SPARC: variants seen among roughly 807,000 people sequenced by gnomAD.
SPARC encodes basement-membrane protein 40.
Under a neutral mutation model 37.7 loss-of-function variants are expected in SPARC, and 23 were observed. That is an observed-to-expected ratio of 0.61 (90% CI 0.44 to 0.87). The LOEUF (loss-of-function observed/expected upper bound fraction) is 0.87, where lower values mean the gene tolerates loss of function less well. Ranked by LOEUF, SPARC falls within the 40% of genes least tolerant of loss-of-function variation. The pLI, the probability that SPARC is intolerant of heterozygous loss-of-function variation, is 0.00. For synonymous variants in SPARC, 155 were observed against 150.8 expected (o/e 1.03, Z -0.20); for missense variants, 312 against 389.0 (o/e 0.80, Z 1.66).
At position 151,664,181 on chromosome 5, in the gene SPARC, C is replaced by T. The variant is rs761893268; in HGVS notation, c.789G>A (p.Glu263=). Residue 263 remains glutamate, a synonymous_variant, in exon 9 of 10, where the codon GAG becomes GAA. Coordinates refer to ENST00000231061, the MANE Select transcript of SPARC (RefSeq NM_003118.4). ...TCTCGAAAAAGCGGGTGGTGCAATGCTCCATGGGGATGAGGGGAGCACGCA... is the reference window on the plus strand; with the variant it reads ...TCTCGAAAAAGCGGGTGGTGCAATGTTCCATGGGGATGAGGGGAGCACGCA... ...APLRAPLIPM[E]HCTTRFFETC... 1.2e-6 allele frequency: 2 copies of T among 1,614,172 alleles called. No individual in the cohort carries two copies. The highest frequency in any genetic ancestry group is 1.1e-5 in the South Asian group (1 of 91,080).
chr5:151,669,904 G>C, intron 5 of SPARC, 120 bp from the exon 6 acceptor site: 1 of 1,387,864 alleles, frequency 7.2e-7, no homozygotes, highest in Non-Finnish European at 1.0e-6. Context: ...TCATTAGCCT[G>C]AGGTCATATA....
At chr5:151,670,986 G>A (rs781170074) in intron 5 of SPARC, among the ~76,000 whole-genome samples, 69 of 152,302 alleles carry the variant, frequency 4.5e-4, no homozygotes, top group Non-Finnish European at 8.5e-4. Context: ...TGGTAGGCAG[G>A]AGCAGGCACT....
intron 1 of SPARC, among the ~76,000 whole-genome samples, chr5:151,683,856 C>A (rs1394082727): frequency 6.6e-6 from 1 of 152,178 alleles, no homozygotes. Context: ...TGTAATGAGG[C>A]ACTTATTTTT....
intron 1 of SPARC, among the ~76,000 whole-genome samples, chr5:151,684,604 GAA>G (rs746262776): frequency 2.2e-4 from 25 of 112,752 alleles, no homozygotes; most frequent in East Asian, 5.6e-4. Context: ...GAGCTGCCAG[GAA>G]AAAAAAAAAA....
intron 8 of SPARC, 91 bp downstream of exon 8, chr5:151,666,270 G>C: frequency 7.8e-7 from 1 of 1,287,948 alleles, no homozygotes; most frequent in East Asian, 2.4e-5. Flanking sequence ...GCCAGGGCTT[G>C]GAGCAGTATA....
intron 1 of SPARC, among the ~76,000 whole-genome samples, chr5:151,682,078 T>G (rs925777368): frequency 1.3e-5 from 2 of 152,208 alleles, no homozygotes; most frequent in African/African-American, 4.8e-5. Flanking sequence ...CCGGATCAAC[T>G]TGGGCAGAAG....
At chr5:151,679,256 A>G in intron 1 of SPARC, 1 of 152,268 alleles carries the variant, frequency 6.6e-6, no homozygotes, top group Non-Finnish European at 1.5e-5. Flanking sequence ...TGGGGGCTCA[A>G]GTCACATATT....
chr5:151,673,289 TC>T, intron 3 of SPARC, 73 bp from the exon 4 acceptor site: 1 of 1,033,618 alleles, frequency 9.7e-7, no homozygotes, highest in South Asian at 1.3e-5. Flanking sequence ...GCTGAAGGGT[TC>T]CAGGTCACAG....
chr5:151,666,083 C>T (rs755287551), intron 8 of SPARC, among the ~76,000 whole-genome samples: 1 of 152,224 alleles, frequency 6.6e-6, no homozygotes, highest in Non-Finnish European at 1.5e-5. Context: ...TCTTAATTCA[C>T]ACTCCTTCAT....
At chr5:151,674,554 C>A in intron 3 of SPARC, 58 bp downstream of exon 3, 2 of 1,531,992 alleles carry the variant, frequency 1.3e-6, no homozygotes, top group Non-Finnish European at 1.8e-6. Flanking sequence ...GCCCTAATTT[C>A]TCAGGGCACA....
chr5:151,664,294 G>A (rs1474902908), intron 8 of SPARC, 59 bp from the exon 9 acceptor site: 43 of 1,547,136 alleles, frequency 2.8e-5, no homozygotes, highest in Admixed American at 1.5e-4. Context: ...ACCCAGCCTT[G>A]GGAGGCAACC....
At chr5:151,672,992 C>T (rs1031173755) in intron 4 of SPARC, 137 bp downstream of exon 4, 18 of 701,346 alleles carry the variant, frequency 2.6e-5, no homozygotes, top group African/African-American at 1.6e-4. Context: ...AAGTCAAAGC[C>T]GTGTTTCCTT....
At chr5:151,665,480 G>T (rs1233735774) in intron 8 of SPARC, among the ~76,000 whole-genome samples, 1 of 152,176 alleles carries the variant, frequency 6.6e-6, no homozygotes, top group Non-Finnish European at 1.5e-5. Flanking sequence ...AAGAGCGAGG[G>T]GTGAACATCC....
chr5:151,662,203 G>C lies in SPARC; in HGVS notation c.*1368C>G, dbSNP rs968935036. ...CTGATAATGGTGGTAGTGATCAAAA[G>C]GGTTAAACCACAGGTCATTAAATGA... is the stretch of plus-strand genomic sequence containing the variant. On this transcript the variant is annotated 3_prime_UTR_variant, in exon 10 of 10. Transcript: ENST00000231061. The C allele has an allele frequency of 2.0e-5, 3 of 152,646 alleles. No homozygotes were observed. The highest frequency in any genetic ancestry group is 7.2e-5 in the African/African-American group (3 of 41,456). The allele number at this position is 152,646 out of a possible 1,614,324, so 9.5% of individuals were successfully genotyped here.
At chr5:151,684,031 C>T (rs1454153227) in intron 1 of SPARC, among the ~76,000 whole-genome samples, 2 of 152,130 alleles carry the variant, frequency 1.3e-5, no homozygotes, top group Non-Finnish European at 2.9e-5. Context: ...CTTTCCTTTC[C>T]TTCACCATTC....
In SPARC at chr5:151,685,420, T is replaced by TCACACACACA. The variant is rs368789187; in HGVS notation, c.-14+1444_-14+1445insTGTGTGTGTG. On this transcript the variant is annotated intron_variant, in intron 1 of 9. Coordinates refer to ENST00000231061, the MANE Select transcript of SPARC (RefSeq NM_003118.4). The stretch of plus-strand genomic sequence containing the variant: ...CTCTCTCTCTCTCTCTCCCTCTCTC[T>TCACACACACA]CTCACACACACACACACACACACAC... 3.2e-3 allele frequency among the ~76,000 whole-genome samples: 348 copies of TCACACACACA among 107,192 alleles called. 7 individuals carry two copies. In the East Asian group the frequency reaches 0.059, roughly 18 times the overall value. The allele number at this position is 107,192 out of a possible 152,430, so 70.3% of individuals were successfully genotyped here.
Position 151,663,009 on chromosome 5 carries a change from C to T in SPARC, c.*562G>A, listed in dbSNP as rs1490928195. The T allele has an allele frequency of 6.6e-6, 1 of 152,334 alleles. No homozygotes were observed. The highest frequency in any genetic ancestry group is 2.4e-5 in the African/African-American group (1 of 41,448). The allele number at this position is 152,334 out of a possible 1,614,324, so 9.4% of individuals were successfully genotyped here. A position where few individuals can be genotyped will look rare whatever the true frequency, so the allele number is the denominator to read the frequency against. ...CATAACACAGCCCCAGAATCTTTCTCTCAGTTACAGCCTCAGGCAAACCAC... is the reference window on the plus strand; with the variant it reads ...CATAACACAGCCCCAGAATCTTTCTTTCAGTTACAGCCTCAGGCAAACCAC... On this transcript the variant is annotated 3_prime_UTR_variant, in exon 10 of 10. Coordinates refer to ENST00000231061, the MANE Select transcript of SPARC (RefSeq NM_003118.4).
chr5:151,670,726 ACATC>A (rs780381793), intron 5 of SPARC, among the ~76,000 whole-genome samples: 1 of 152,170 alleles, frequency 6.6e-6, no homozygotes, highest in Non-Finnish European at 1.5e-5. Flanking sequence ...CCTGTGTTGA[ACATC>A]CTGTCCGTAC....
intron 1 of SPARC, chr5:151,686,063 C>G (rs1218096306): frequency 6.6e-6 from 1 of 152,186 alleles, no homozygotes; most frequent in African/African-American, 2.4e-5. Flanking sequence ...CCCCCTTTCC[C>G]CCTTCTGAGA....
Sources: gnomAD v4.1 joint callset for allele counts (sites outside exome capture counted in the v4.1 genomes callset) on GRCh38, gnomAD v4.1.1 for gene constraint, MANE v1.5 for transcripts, NCBI Gene and HGNC (gene_info 2026-07-23, HGNC 2026-07-21) for gene names.